ZNF251: variants seen among roughly 807,000 people sequenced by gnomAD.
ZNF251 encodes the protein zinc finger protein 251.
A neutral mutation model predicts 13.5 loss-of-function variants in ZNF251; 14 were observed. The ratio of observed to expected loss-of-function variants is 1.04; its 90% CI spans 0.69 to 1.63. The LOEUF is 1.63. Ranked by LOEUF, ZNF251 falls within the 40% of genes most tolerant of loss-of-function variation. The pLI is 0.00. For synonymous variants in ZNF251, 287 were observed against 295.2 expected (o/e 0.97, Z 0.28); for missense variants, 764 against 834.9 (o/e 0.92, Z 1.05).
At chr8:144,747,488 T>C (rs1444894256) in intron 4 of ZNF251, among the ~76,000 whole-genome samples, 1 of 152,264 alleles carries the variant, frequency 6.6e-6, no homozygotes, top group Admixed American at 6.5e-5. Flanking sequence ...GTGATGGTGC[T>C]GTTAAACTCA....
At chr8:144,733,713 C>T (rs1823791807) in intron 4 of ZNF251, among the ~76,000 whole-genome samples, 1 of 152,202 alleles carries the variant, frequency 6.6e-6, no homozygotes, top group Non-Finnish European at 1.5e-5. Context: ...TCTCTCCTCG[C>T]GCCGACCTCC....
rs1823371201 is a variant in ZNF251, at chr8:144,721,498, G to T, written c.*146C>A. Reference sequence around the variant, plus strand: ...GAATGAATTCTCGTGTTTACTTCCAGATTTAATGACTTTGACTTTAGTAGT... The same window carrying T: ...GAATGAATTCTCGTGTTTACTTCCATATTTAATGACTTTGACTTTAGTAGT... On this transcript the variant is annotated 3_prime_UTR_variant, in exon 5 of 5. Transcript: ENST00000292562. 1.2e-6 allele frequency: 1 copy of T among 841,834 alleles called. No individual in the cohort carries two copies. The highest frequency in any genetic ancestry group is 1.6e-6 in the Non-Finnish European group (1 of 629,324). 52.1% of individuals were successfully genotyped at this position (841,834 alleles called of 1,614,324 possible).
chr8:144,736,122 C>T (rs750057800), intron 4 of ZNF251, among the ~76,000 whole-genome samples: 2 of 152,178 alleles, frequency 1.3e-5, no homozygotes, highest in Non-Finnish European at 2.9e-5. Context: ...AGCTGGTGGC[C>T]GTCAAACACC....
In ZNF251 at chr8:144,734,739, G is replaced by C. The variant is rs1823827466; in HGVS notation, c.278-11357C>G. 6.6e-6 allele frequency among the ~76,000 whole-genome samples: 1 copy of C among 152,192 alleles called. No homozygotes were observed. ...AGGAGACGGGCGAATTAGAACTGGAGACCAAAATTCCTCTGTGGTAGAAAA... is the reference window on the plus strand; with the variant it reads ...AGGAGACGGGCGAATTAGAACTGGACACCAAAATTCCTCTGTGGTAGAAAA... On this transcript the variant is annotated intron_variant, in intron 4 of 4. Transcript: ENST00000292562. The surrounding 1 kb of genome is among the most constrained non-coding windows in gnomAD (Gnocchi z 4.4).
At chr8:144,752,232 T>C (rs572240889) in intron 4 of ZNF251, among the ~76,000 whole-genome samples, 1 of 151,572 alleles carries the variant, frequency 6.6e-6, no homozygotes, top group East Asian at 1.9e-4. Context: ...AACCCCCAAA[T>C]GGCAGAATAC....
chr8:144,735,969 C>T (rs1823875415), intron 4 of ZNF251, among the ~76,000 whole-genome samples: 1 of 152,204 alleles, frequency 6.6e-6, no homozygotes, highest in African/African-American at 2.4e-5. Context: ...TGGCCCCCCA[C>T]AGCGGGACCC....
intron 4 of ZNF251, among the ~76,000 whole-genome samples, chr8:144,732,845 T>G (rs1190345149): frequency 2.0e-5 from 3 of 150,196 alleles, no homozygotes; most frequent in Non-Finnish European, 4.4e-5. Context: ...TTGGACAGCC[T>G]TAGAACCTAT....
chr8:144,724,261 C>CA (rs1175216003), intron 4 of ZNF251, among the ~76,000 whole-genome samples: 1,271 of 34,596 alleles, frequency 0.037, 16 homozygotes, highest in Non-Finnish European at 0.066. Flanking sequence ...GACTCCGTCT[C>CA]AAAAAAAAAA....
At position 144,732,682 on chromosome 8, in the gene ZNF251, G is replaced by C. The variant is rs372148528; in HGVS notation, c.278-9300C>G. ...AAAAAATTAGCTGGGTGTGGTGGCA[G>C]GCACTTATAGTCCCAGCTACTTGGG... On this transcript the variant is annotated intron_variant, in intron 4 of 4. Transcript: ENST00000292562. 2.6e-5 allele frequency among the ~76,000 whole-genome samples: 4 copies of C among 151,716 alleles called. No individual in the cohort carries two copies. In the East Asian group the frequency reaches 5.8e-4, roughly 22 times the overall value.
At chr8:144,723,473 T>C (rs1179222422) in intron 4 of ZNF251, 91 bp from the exon 5 acceptor site, 4 of 944,886 alleles carry the variant, frequency 4.2e-6, no homozygotes, top group South Asian at 4.1e-5. Flanking sequence ...TAAACCATCA[T>C]GCAGAAGGCA....
rs773084178 is a variant in ZNF251 at position 144,723,131 on chromosome 8, C to A, written c.529G>T (p.Gly177Ter). The A allele has an allele frequency of 3.1e-6, 5 of 1,613,674 alleles. No individual in the cohort carries two copies. Among genetic ancestry groups the A allele is most frequent in the Non-Finnish European group, 4.2e-6 (5 of 1,179,730 alleles). ...EATVGRERSL[G>*]ERTQECSAFD... ...GCACTACACTCTTGGGTTCTTTCTCCCAAAGATCTTTCCCTGCCCACGGTA... is the reference window on the plus strand; with the variant it reads ...GCACTACACTCTTGGGTTCTTTCTCACAAAGATCTTTCCCTGCCCACGGTA... Residue 177 changes from glycine to a stop codon, truncating the protein, a stop_gained, in exon 5 of 5, where the codon GGA becomes TGA. Transcript: ENST00000292562. LOFTEE classifies it low-confidence loss of function (END_TRUNC).
At chr8:144,741,811 CAGATAAAAAT>C (rs1469010197) in intron 4 of ZNF251, among the ~76,000 whole-genome samples, 3 of 152,030 alleles carry the variant, frequency 2.0e-5, no homozygotes, top group African/African-American at 4.8e-5. Context: ...CTGAAGAATA[CAGATAAAAAT>C]ATTTTAAAAA....
chr8:144,736,581 T>A (rs537082935), intron 4 of ZNF251, among the ~76,000 whole-genome samples: 66 of 152,108 alleles, frequency 4.3e-4, no homozygotes, highest in Middle Eastern at 6.8e-3. Context: ...AACTTCCACC[T>A]CCTGGGTTCA....
intron 4 of ZNF251, among the ~76,000 whole-genome samples, chr8:144,741,949 T>A (rs1824183872): frequency 6.6e-6 from 1 of 152,058 alleles, no homozygotes; most frequent in Non-Finnish European, 1.5e-5. Context: ...GGTCAAAAAT[T>A]TCCCAAATTT....
chr8:144,722,781 A>G lies in ZNF251; in HGVS notation c.879T>C (p.Phe293=), dbSNP rs762856206. The change falls in exon 5 of 5, where the codon TTT becomes TTC. Residue 293 remains phenylalanine (F), a synonymous_variant. Coordinates refer to ENST00000292562, the MANE Select transcript of ZNF251 (RefSeq NM_138367.2). The surrounding 1 kb of genome is among the most constrained non-coding windows in gnomAD (Gnocchi z 4.8). ...HRRIHTGEKP[F]GCGECGKAFS... is the part of the protein sequence containing the mutation. ...AAGCCTTCCCACACTCACCACAGCC[A>G]AAGGGTTTTTCTCCAGTGTGAATTC... The G allele has an allele frequency of 6.2e-7, 1 of 1,613,978 alleles. No individual in the cohort carries two copies. The highest frequency in any genetic ancestry group is 8.5e-7 in the Non-Finnish European group (1 of 1,179,936).
Position 144,722,979 on chromosome 8 carries a change from G to A in ZNF251, c.681C>T (p.His227=). Residue 227 remains histidine, a synonymous_variant, in exon 5 of 5, where the codon CAC becomes CAT. Coordinates refer to ENST00000292562, the MANE Select transcript of ZNF251 (RefSeq NM_138367.2). The surrounding 1 kb of genome is among the most constrained non-coding windows in gnomAD (Gnocchi z 4.8). ...TFKYNSDLSR[H]QRSHTGEKPY... ...GCTTCTCCCCAGTGTGACTTCTCTG[G>A]TGTCTACTTAGGTCTGAATTATATT... 1 of 1,613,888 alleles carries A rather than the reference G, an allele frequency of 6.2e-7. No individual in the cohort carries two copies. Among genetic ancestry groups the A allele is most frequent in the Non-Finnish European group, 8.5e-7 (1 of 1,179,790 alleles).
chr8:144,754,302 T>C lies in ZNF251; in HGVS notation c.53A>G (p.Gln18Arg). 6.2e-7 allele frequency: 1 copy of C among 1,611,222 alleles called. No homozygotes were observed. The highest frequency in any genetic ancestry group is 8.5e-7 in the Non-Finnish European group (1 of 1,178,672). The change falls in exon 3 of 5, where the codon CAG (glutamine) becomes CGG (arginine). Residue 18 changes from glutamine to arginine, a missense_variant. Physicochemically the swap from Gln to Arg is conservative, Grantham distance 43. Transcript: ENST00000292562. ...PGHQEMPLTF[Q>R]DVAVYFSQAE... Reference sequence around the variant, plus strand: ...CTGAGAGAAGTACACGGCCACATCCTGGAAGGTCAGCGGCATCTCCTGCAA... The same window carrying C: ...CTGAGAGAAGTACACGGCCACATCCCGGAAGGTCAGCGGCATCTCCTGCAA...
intron 4 of ZNF251, among the ~76,000 whole-genome samples, chr8:144,753,133 G>A (rs1295995819): frequency 6.6e-6 from 1 of 151,886 alleles, no homozygotes; most frequent in African/African-American, 2.4e-5. Context: ...AAACTAGCCA[G>A]GTATGGTGAC....
At chr8:144,740,252 T>G (rs932517930) in intron 4 of ZNF251, among the ~76,000 whole-genome samples, 1 of 152,054 alleles carries the variant, frequency 6.6e-6, no homozygotes, top group Non-Finnish European at 1.5e-5. Flanking sequence ...GCCATTGCAC[T>G]CTAGCCTGGG....
Sources: gnomAD v4.1 joint callset for allele counts (sites outside exome capture counted in the v4.1 genomes callset) on GRCh38, gnomAD v4.1.1 for gene constraint, Gnocchi (gnomAD v3.1) non-coding constraint, MANE v1.5 for transcripts, NCBI Gene and HGNC (gene_info 2026-07-23, HGNC 2026-07-21) for gene names.